The following RPS6KA2 variants were observed in gnomAD, a reference collection of about 807,000 sequenced individuals.
The protein encoded by RPS6KA2 is ribosomal protein S6 kinase alpha-2.
A neutral mutation model predicts 91.8 loss-of-function variants in RPS6KA2; 42 were observed. The ratio of observed to expected loss-of-function variants is 0.46; its 90% CI spans 0.36 to 0.59. The LOEUF (loss-of-function observed/expected upper bound fraction) is 0.59, where lower values mean the gene tolerates loss of function less well. RPS6KA2 is among the 20% of genes least tolerant of loss of function. The pLI is 0.00. For synonymous variants in RPS6KA2, 414 were observed against 393.6 expected (o/e 1.05, Z -0.61); for missense variants, 798 against 978.5 (o/e 0.82, Z 2.46).
At chr6:166,703,614 A>T (rs1789595046) in intron 2 of RPS6KA2, among the ~76,000 whole-genome samples, 1 of 152,324 alleles carries the variant, frequency 6.6e-6, no homozygotes, top group South Asian at 2.1e-4. Context: ...CATTAAAAAG[A>T]TCTTTTTTTC....
At chr6:166,803,087 T>C (rs1043583963) in intron 2 of RPS6KA2, among the ~76,000 whole-genome samples, 1 of 152,190 alleles carries the variant, frequency 6.6e-6, no homozygotes, top group African/African-American at 2.4e-5. Context: ...CCTGAAACTT[T>C]GTGCAAACTA....
chr6:166,446,237 G>A (rs2246553), intron 14 of RPS6KA2, among the ~76,000 whole-genome samples: 112,237 of 152,124 alleles, frequency 0.74, 44,501 homozygotes, highest in Non-Finnish European at 0.9. Context: ...TCCCTTGACC[G>A]GCTGAAACGT....
chr6:166,655,265 G>A (rs931958997), intron 2 of RPS6KA2, among the ~76,000 whole-genome samples: 3 of 152,126 alleles, frequency 2.0e-5, no homozygotes, highest in African/African-American at 4.8e-5. Flanking sequence ...TGACTACAAG[G>A]TACATCAGTA....
At chr6:166,820,068 C>G (rs1779866456) in intron 2 of RPS6KA2, among the ~76,000 whole-genome samples, 1 of 152,204 alleles carries the variant, frequency 6.6e-6, no homozygotes, top group Admixed American at 6.5e-5. Context: ...GTTTTCAGTG[C>G]ATTTTTCTGT....
intron 1 of RPS6KA2, among the ~76,000 whole-genome samples, chr6:166,568,919 T>G (rs573261005): frequency 6.6e-6 from 1 of 152,374 alleles, no homozygotes; most frequent in South Asian, 2.1e-4. Flanking sequence ...CAATCTAGAC[T>G]CTGCTTCTTC....
chr6:166,479,814 T>C (rs1489266906), intron 10 of RPS6KA2, among the ~76,000 whole-genome samples: 3 of 152,240 alleles, frequency 2.0e-5, no homozygotes, highest in Non-Finnish European at 4.4e-5. Context: ...AATTTTTCTT[T>C]GCTTACCTCC....
chr6:166,851,648 G>A (rs926451410), intron 2 of RPS6KA2, among the ~76,000 whole-genome samples: 1 of 152,184 alleles, frequency 6.6e-6, no homozygotes, highest in Non-Finnish European at 1.5e-5. Context: ...TCTCCAGCCG[G>A]TGCCCACGAT....
At position 166,824,580 on chromosome 6, in the gene RPS6KA2, CTGTG is replaced by C. The variant is rs373634779; in HGVS notation, c.123+33616_123+33619del. ...TGTGTGTGTCTATGTGTGTCTGTGT[CTGTG>C]TGTGTGTGTCTGCATGTCTAATATG... On this transcript the variant is annotated intron_variant, in intron 2 of 21. Transcript: ENST00000503859. Among the ~76,000 whole-genome samples, 554 of 149,158 alleles carry C rather than the reference CTGTG, an allele frequency of 3.7e-3. 6 individuals carry two copies. Among genetic ancestry groups the C allele is most frequent in the African/African-American group, 0.012 (496 of 40,544 alleles).
intron 3 of RPS6KA2, among the ~76,000 whole-genome samples, chr6:166,517,445 C>CTTTTA (rs1782684250): frequency 9.7e-6 from 1 of 102,698 alleles, no homozygotes; most frequent in Admixed American, 9.3e-5. Context: ...TTAAGGCGTT[C>CTTTTA]TTTTGTTTTG....
At chr6:166,520,631 G>A (rs570268491) in intron 3 of RPS6KA2, among the ~76,000 whole-genome samples, 1 of 152,310 alleles carries the variant, frequency 6.6e-6, no homozygotes, top group South Asian at 2.1e-4. Flanking sequence ...AAGTAGCTTT[G>A]GAAATGGGTA....
chr6:166,823,308 G>A (rs956219809), intron 2 of RPS6KA2, among the ~76,000 whole-genome samples: 2 of 152,212 alleles, frequency 1.3e-5, no homozygotes, highest in East Asian at 1.9e-4. Flanking sequence ...CACGGTATAT[G>A]AGCCTCTCTT....
Position 166,626,770 on chromosome 6 carries a change from T to G in RPS6KA2, c.99+151A>C. On this transcript the variant is annotated intron_variant, in intron 1 of 20. Transcript: ENST00000265678. The surrounding 1 kb of genome is among the most constrained non-coding windows in gnomAD (Gnocchi z 4.1). ...GTCCCAGCGATAACGTTTGGAGCCGTTTGGTTCGATTTTCGGAACCGGACC... is the reference window on the plus strand; with the variant it reads ...GTCCCAGCGATAACGTTTGGAGCCGGTTGGTTCGATTTTCGGAACCGGACC... 1.7e-6 allele frequency: 1 copy of G among 571,962 alleles called. No homozygotes were observed. The highest frequency in any genetic ancestry group is 2.7e-6 in the Non-Finnish European group (1 of 376,030). 35.4% of individuals were successfully genotyped at this position (571,962 alleles called of 1,614,324 possible). A position where few individuals can be genotyped will look rare whatever the true frequency, so the allele number is the denominator to read the frequency against.
chr6:166,498,883 T>G (rs1016458788), intron 7 of RPS6KA2, among the ~76,000 whole-genome samples: 1 of 151,864 alleles, frequency 6.6e-6, no homozygotes, highest in Non-Finnish European at 1.5e-5. Flanking sequence ...TCCTTATGAG[T>G]GTACACACTC....
chr6:166,628,434 C>T (rs949325310), upstream of RPS6KA2, among the ~76,000 whole-genome samples: 3 of 152,238 alleles, frequency 2.0e-5, no homozygotes, highest in South Asian at 6.2e-4. Flanking sequence ...TTTTGCAGTG[C>T]GAACTGCAAA....
chr6:166,791,817 C>G (rs561325812), intron 2 of RPS6KA2, among the ~76,000 whole-genome samples: 8 of 149,392 alleles, frequency 5.4e-5, no homozygotes, highest in Non-Finnish European at 8.8e-5. Context: ...CTGAAACCAA[C>G]GAGAACAAAG....
At chr6:166,489,486 A>G (rs4709119) in intron 9 of RPS6KA2, among the ~76,000 whole-genome samples, 74,690 of 151,934 alleles carry the variant, frequency 0.49, 19,031 homozygotes, top group East Asian at 0.63. Context: ...TGAGAACCCC[A>G]CGCGCAGAGC....
chr6:166,800,808 A>G (rs1342460982), intron 2 of RPS6KA2, among the ~76,000 whole-genome samples: 1 of 152,178 alleles, frequency 6.6e-6, no homozygotes, highest in Admixed American at 6.5e-5. Context: ...CCTTAACTCA[A>G]GGAAGATACC....
intron 2 of RPS6KA2, among the ~76,000 whole-genome samples, chr6:166,847,423 T>G (rs182994571): frequency 6.6e-6 from 1 of 152,272 alleles, no homozygotes; most frequent in East Asian, 1.9e-4. Flanking sequence ...AAAATTCATA[T>G]GGAACCAAAA....
chr6:166,713,421 G>C (rs1212841974), intron 2 of RPS6KA2, among the ~76,000 whole-genome samples: 1 of 152,232 alleles, frequency 6.6e-6, no homozygotes, highest in African/African-American at 2.4e-5. Context: ...AGATTGTTGT[G>C]AACAGTTGGT....
Sources: allele counts gnomAD v4.1 joint callset (sites outside exome capture counted in the v4.1 genomes callset), GRCh38; gene constraint gnomAD v4.1.1; non-coding constraint Gnocchi (gnomAD v3.1); transcripts MANE v1.5; gene names NCBI Gene and HGNC (gene_info 2026-07-23, HGNC 2026-07-21).